Variants in MEGF6 observed in about 807,000 individuals in gnomAD.
The protein encoded by MEGF6 is multiple EGF like domains 6.
Under a neutral mutation model 207.1 loss-of-function variants are expected in MEGF6, and 184 were observed. The observed-to-expected ratio is 0.89, with a 90% CI of 0.79 to 1.00. MEGF6 has a LOEUF of 1.00. Ranked by LOEUF, MEGF6 falls within the 50% of genes least tolerant of loss-of-function variation. The pLI is 0.00. For missense variants in MEGF6, 2,282 were observed against 2,202.9 expected (o/e 1.04, Z -0.72); for synonymous variants, 1,038 against 910.0 (o/e 1.14, Z -2.53).
At position 3,510,846 on chromosome 1, in the gene MEGF6, C is replaced by A. The variant is rs959084626; in HGVS notation, c.1171G>T (p.Gly391Cys). ...CCQQVCTNNPGGYECGCYAGY... is the reference protein window; with the variant it reads ...CCQQVCTNNPCGYECGCYAGY... Reference sequence around the variant, plus strand: ...GCGTAGCAGCCGCACTCGTACCCGCCAGGGTTGTTGGTGCACACCTGCTGG... The same window carrying A: ...GCGTAGCAGCCGCACTCGTACCCGCAAGGGTTGTTGGTGCACACCTGCTGG... The change falls in exon 10 of 37, where the codon GGC becomes TGC. Residue 391 changes from glycine (G) to cysteine (C), a missense_variant. Physicochemically the swap from Gly to Cys is radical, Grantham distance 159. Coordinates refer to ENST00000356575, the MANE Select transcript of MEGF6 (RefSeq NM_001409.4). The A allele has an allele frequency of 6.2e-7, 1 of 1,611,270 alleles. No homozygotes were observed. Among genetic ancestry groups the A allele is most frequent in the Admixed American group, 1.7e-5 (1 of 60,000 alleles).
intron 4 of MEGF6, among the ~76,000 whole-genome samples, chr1:3,541,274 C>T (rs78988388): frequency 5.9e-5 from 9 of 152,336 alleles, no homozygotes; most frequent in South Asian, 4.1e-4. Context: ...GTGGGTCGCA[C>T]AGGGCTTGCG....
chr1:3,537,560 G>A (rs777988709), intron 4 of MEGF6, among the ~76,000 whole-genome samples: 13 of 152,244 alleles, frequency 8.5e-5, no homozygotes, highest in Admixed American at 6.5e-5. Flanking sequence ...GGGGGGCACC[G>A]GGCCCTGGGC....
rs145553220 is a variant in MEGF6, at chr1:3,560,876, C to T, written c.481+18949G>A. On this transcript the variant is annotated intron_variant, in intron 4 of 36. Coordinates refer to ENST00000356575, the MANE Select transcript of MEGF6 (RefSeq NM_001409.4). The surrounding 1 kb of genome is among the most constrained non-coding windows in gnomAD (Gnocchi z 4.0). ...GGCTGGCTGGTCCCCCAGGTCTCTA[C>T]GCGAAGGGGGTGCTGGGCTCTACCC... 775 of 442,876 alleles carry T rather than the reference C, an allele frequency of 1.7e-3. 3 individuals are homozygous for T. The highest frequency in any genetic ancestry group is 0.014 in the African/African-American group (685 of 48,346). 27.4% of individuals were successfully genotyped at this position (442,876 alleles called of 1,614,324 possible).
intron 5 of MEGF6, among the ~76,000 whole-genome samples, chr1:3,523,602 A>T (rs1344279568): frequency 1.3e-5 from 2 of 152,084 alleles, no homozygotes; most frequent in African/African-American, 2.4e-5. Context: ...GGCAGGGATC[A>T]CCTGGGCCCA....
chr1:3,499,825 G>A lies in MEGF6; in HGVS notation c.2807C>T (p.Ala936Val), dbSNP rs1640778173. The A allele has an allele frequency of 5.1e-6, 8 of 1,553,760 alleles. No individual in the cohort carries two copies. The highest frequency in any genetic ancestry group is 1.7e-4 in the Middle Eastern group (1 of 5,898). Residue 936 changes from alanine (A) to valine (V), a missense_variant, in exon 22 of 37, where the codon GCC (alanine) becomes GTC (valine). Coordinates refer to ENST00000356575, the MANE Select transcript of MEGF6 (RefSeq NM_001409.4). ...DHVSGACTCP[A>V]GWRGTFCEHA... ...CTCGCAGAAGGTGCCCCTCCAGCCG[G>A]CCGGGCAGGTGCAGGCCCCGCTGAC... is the stretch of plus-strand genomic sequence containing the variant.
chr1:3,562,855 T>A (rs1248133996), intron 4 of MEGF6, among the ~76,000 whole-genome samples: 1 of 152,054 alleles, frequency 6.6e-6, no homozygotes, highest in Non-Finnish European at 1.5e-5. Flanking sequence ...CTGGGCCAGC[T>A]CCGGACAGGG....
At position 3,505,269 on chromosome 1, in the gene MEGF6, G is replaced by A. The variant is rs376241469; in HGVS notation, c.2127C>T (p.Ser709=). Residue 709 remains serine, a synonymous_variant, in exon 17 of 37, where the codon TCC becomes TCT. Coordinates refer to ENST00000356575, the MANE Select transcript of MEGF6 (RefSeq NM_001409.4). ...CTCPVGVACD[S]VSGECGKRCP... is the part of the protein sequence containing the mutation. ...ACCGCTTCCCACACTCGCCGCTCAC[G>A]GAGTCACAGGCCACGCCCACTGGGC... The A allele has an allele frequency of 1.8e-5, 29 of 1,612,356 alleles. No individual in the cohort carries two copies. Among genetic ancestry groups the A allele is most frequent in the Admixed American group, 1.3e-4 (8 of 59,966 alleles).
In MEGF6 at chr1:3,579,866, C is replaced by T. The variant is rs202212339; in HGVS notation, c.440G>A (p.Cys147Tyr). The change falls in exon 4 of 37, where the codon TGT becomes TAT. Residue 147 changes from cysteine (C) to tyrosine (Y), a missense_variant. Physicochemically the swap from Cys to Tyr is radical, Grantham distance 194. Coordinates refer to ENST00000356575, the MANE Select transcript of MEGF6 (RefSeq NM_001409.4). ...TCCCTGGAAGCCGGGGGGACAGTGA[C>T]ACGGCTGGGCTGAGCCTGGCACACA... ...GRCVPGSAQP[C>Y]HCPPGFQGPR... 20 of 1,539,738 alleles carry T rather than the reference C, an allele frequency of 1.3e-5. No homozygotes were observed. The highest frequency in any genetic ancestry group is 1.8e-4 in the Middle Eastern group (1 of 5,522).
At chr1:3,536,089 C>T (rs1323778224) in intron 4 of MEGF6, among the ~76,000 whole-genome samples, 1 of 152,184 alleles carries the variant, frequency 6.6e-6, no homozygotes, top group Non-Finnish European at 1.5e-5. Context: ...CTTCCCTGAA[C>T]GAGCCTTCCC....
At chr1:3,503,819 C>T (rs1039229549) in intron 17 of MEGF6, among the ~76,000 whole-genome samples, 2 of 151,992 alleles carry the variant, frequency 1.3e-5, no homozygotes, top group Non-Finnish European at 2.9e-5. Flanking sequence ...GTCCCATGTC[C>T]GCGCACTGAT....
chr1:3,567,535 C>A (rs890730215), intron 4 of MEGF6, among the ~76,000 whole-genome samples: 1 of 152,214 alleles, frequency 6.6e-6, no homozygotes, highest in Non-Finnish European at 1.5e-5. Context: ...CATGCCCCCC[C>A]CAGGCTCTCC....
At chr1:3,600,418 A>G (rs1475953236) in intron 2 of MEGF6, among the ~76,000 whole-genome samples, 4 of 152,140 alleles carry the variant, frequency 2.6e-5, no homozygotes, top group African/African-American at 9.7e-5. Context: ...CTCGAGGGCA[A>G]ATGGGCAAGG....
chr1:3,532,578 G>A (rs1301995114), intron 4 of MEGF6, among the ~76,000 whole-genome samples: 2 of 152,252 alleles, frequency 1.3e-5, no homozygotes, highest in East Asian at 3.8e-4. Context: ...CAGTGGAAGT[G>A]TCCCTGGAGC....
At position 3,497,265 on chromosome 1, in the gene MEGF6, G is replaced by A. The variant is rs749023384; in HGVS notation, c.3449C>T (p.Pro1150Leu). Residue 1150 changes from proline to leucine, a missense_variant, in exon 27 of 37, where the codon CCC (proline) becomes CTC (leucine). Physicochemically the swap from Pro to Leu is moderately conservative, Grantham distance 98 (BLOSUM62 -3). Coordinates refer to ENST00000356575, the MANE Select transcript of MEGF6 (RefSeq NM_001409.4). ...GCAGCCGGAGCCAGTGAAGCCAGGG[G>A]GACAGCGGCAGGCCCCAGTGACGTG... ...CHHVTGACRCPPGFTGSGCEQ... is the reference protein window; with the variant it reads ...CHHVTGACRCLPGFTGSGCEQ... 29 of 1,546,198 alleles carry A rather than the reference G, an allele frequency of 1.9e-5. No individual in the cohort carries two copies. The South Asian group carries it at 3.2e-4, about 17-fold the overall frequency.
At chr1:3,598,792 G>C (rs1644113894) in intron 2 of MEGF6, among the ~76,000 whole-genome samples, 1 of 151,712 alleles carries the variant, frequency 6.6e-6, no homozygotes, top group African/African-American at 2.4e-5. Context: ...GGCTCAGGGA[G>C]TGTGGGCCTG....
chr1:3,600,061 G>A (rs1191438755), intron 2 of MEGF6, among the ~76,000 whole-genome samples: 1 of 152,122 alleles, frequency 6.6e-6, no homozygotes, highest in Non-Finnish European at 1.5e-5. Context: ...CCACAGTGCT[G>A]TGGGGTCCCG....
rs981572845 is a variant in MEGF6 at position 3,566,217 on chromosome 1, C to T, written c.481+13608G>A. ...CCCCGGCTTGACCGGGCCAGAGGGC[C>T]GGGCCCTGCTCTGGAATGCCTGGGG... On this transcript the variant is annotated intron_variant, in intron 4 of 36. Transcript: ENST00000356575. 7.2e-5 allele frequency among the ~76,000 whole-genome samples: 11 copies of T among 152,166 alleles called. No individual in the cohort carries two copies. The East Asian group carries it at 1.4e-3, about 19-fold the overall frequency.
intron 25 of MEGF6, 94 bp downstream of exon 25, chr1:3,498,604 C>T (rs574797817): frequency 3.1e-5 from 46 of 1,482,476 alleles, no homozygotes; most frequent in Middle Eastern, 3.7e-4. Flanking sequence ...CACCCCAGGG[C>T]GCTGCCCCCT....
At chr1:3,525,179 C>G (rs915658060) in intron 4 of MEGF6, among the ~76,000 whole-genome samples, 1 of 152,214 alleles carries the variant, frequency 6.6e-6, no homozygotes, top group South Asian at 2.1e-4. Context: ...AGGACAGAAG[C>G]CTTCGCTGTG....
Sources: allele counts gnomAD v4.1 joint callset (sites outside exome capture counted in the v4.1 genomes callset), GRCh38; gene constraint gnomAD v4.1.1; non-coding constraint Gnocchi (gnomAD v3.1); transcripts MANE v1.5; gene names NCBI Gene and HGNC (gene_info 2026-07-23, HGNC 2026-07-21).